IQGAP2: variants seen among roughly 807,000 people sequenced by gnomAD.
IQGAP2 encodes the protein IQ motif containing GTPase activating protein 2, also known as ras GTPase-activating-like protein IQGAP2.
A neutral mutation model predicts 201.3 loss-of-function variants in IQGAP2; 173 were observed. The ratio of observed to expected loss-of-function variants is 0.86; its 90% confidence interval spans 0.76 to 0.98. IQGAP2 has a LOEUF of 0.98. Ranked by LOEUF, IQGAP2 falls within the 50% of genes least tolerant of loss-of-function variation. The pLI, the probability that IQGAP2 is intolerant of heterozygous loss-of-function variation, is 0.00. For synonymous variants in IQGAP2, 675 were observed against 673.9 expected (o/e 1.00, Z -0.03); for missense variants, 1,687 against 1,864.8 (o/e 0.90, Z 1.76).
At chr5:76,452,763 A>G (rs779053487) in intron 1 of IQGAP2, among the ~76,000 whole-genome samples, 34 of 152,204 alleles carry the variant, frequency 2.2e-4, no homozygotes, top group Non-Finnish European at 4.1e-4. Flanking sequence ...TAGAAAGATC[A>G]TGAACTTTGG....
At position 76,652,768 on chromosome 5, in the gene IQGAP2, A is replaced by G. The variant is rs747898548; in HGVS notation, c.2113A>G (p.Lys705Glu). 3.1e-6 allele frequency: 5 copies of G among 1,610,688 alleles called. No individual in the cohort carries two copies. In the African/African-American group the frequency reaches 4.0e-5, roughly 13 times the overall value. The change falls in exon 18 of 36, where the codon AAA becomes GAA. Residue 705 changes from lysine to glutamate, a missense_variant. By Grantham distance (56) the Lys-to-Glu change is moderately conservative. Coordinates refer to ENST00000274364, the MANE Select transcript of IQGAP2 (RefSeq NM_006633.5). ...TCCTTAGGCTTTTTGGAAAGGATATAAACAACGGAAGGAGTATATGCACAG... is the reference window on the plus strand; with the variant it reads ...TCCTTAGGCTTTTTGGAAAGGATATGAACAACGGAAGGAGTATATGCACAG... ...VKIQAFWKGY[K>E]QRKEYMHRRQ... is the part of the protein sequence containing the mutation.
At chr5:76,436,490 TATATATATATATATATATATATATATA>T (rs1561369977) in intron 1 of IQGAP2, among the ~76,000 whole-genome samples, 1,094 of 16,860 alleles carry the variant, frequency 0.065, 54 homozygotes, top group African/African-American at 0.24. Context: ...TATATATATA[TATATATATATATATATATATATATATA>T]TTTTTTTTTT....
intron 1 of IQGAP2, among the ~76,000 whole-genome samples, chr5:76,405,771 T>C (rs946133131): frequency 6.6e-6 from 1 of 152,168 alleles, no homozygotes; most frequent in African/African-American, 2.4e-5. Flanking sequence ...GAGCTCTTCA[T>C]GGGAAGGCTA....
At chr5:76,528,338 T>C (rs1759086263) in intron 2 of IQGAP2, among the ~76,000 whole-genome samples, 1 of 128,462 alleles carries the variant, frequency 7.8e-6, no homozygotes, top group South Asian at 3.0e-4. Flanking sequence ...TCAGAGTTCC[T>C]TAATAGAAAG....
At chr5:76,405,346 C>T (rs1750737280) in intron 1 of IQGAP2, among the ~76,000 whole-genome samples, 1 of 152,222 alleles carries the variant, frequency 6.6e-6, no homozygotes. Context: ...TGGAAATCTT[C>T]ATCCAGCTTT....
intron 2 of IQGAP2, among the ~76,000 whole-genome samples, chr5:76,473,113 A>G (rs948505777): frequency 6.6e-5 from 10 of 152,324 alleles, no homozygotes; most frequent in Middle Eastern, 3.4e-3. Flanking sequence ...TCTGACTTCA[A>G]AGACTGTGCT....
intron 4 of IQGAP2, among the ~76,000 whole-genome samples, chr5:76,574,903 C>A (rs868706205): frequency 6.6e-6 from 1 of 152,044 alleles, no homozygotes; most frequent in Non-Finnish European, 1.5e-5. Flanking sequence ...ACTGGCTAAG[C>A]TAGGGTTCAA....
intron 2 of IQGAP2, among the ~76,000 whole-genome samples, chr5:76,506,032 G>A (rs1361015192): frequency 6.6e-6 from 1 of 152,158 alleles, no homozygotes; most frequent in East Asian, 1.9e-4. Context: ...TTTAAGAAGA[G>A]ACACACCCTG....
chr5:76,663,869 C>G (rs1034621009), intron 21 of IQGAP2, among the ~76,000 whole-genome samples: 2 of 152,220 alleles, frequency 1.3e-5, no homozygotes, highest in African/African-American at 4.8e-5. Context: ...CCTGGCTTCT[C>G]TTAAGGCCTC....
intron 4 of IQGAP2, among the ~76,000 whole-genome samples, chr5:76,572,391 T>A (rs1007986135): frequency 2.0e-5 from 3 of 152,110 alleles, no homozygotes; most frequent in African/African-American, 7.2e-5. Flanking sequence ...TTTGAACTCC[T>A]GACCTCAGGT....
chr5:76,588,201 C>T (rs1746382521), intron 5 of IQGAP2, among the ~76,000 whole-genome samples: 1 of 152,194 alleles, frequency 6.6e-6, no homozygotes, highest in Non-Finnish European at 1.5e-5. Context: ...CTCATATATA[C>T]TATTACTTGA....
At chr5:76,572,639 T>C (rs989869990) in intron 4 of IQGAP2, among the ~76,000 whole-genome samples, 1 of 152,060 alleles carries the variant, frequency 6.6e-6, no homozygotes, top group Non-Finnish European at 1.5e-5. Flanking sequence ...GGTTTCCACA[T>C]GTTGGCCAGG....
chr5:76,605,343 GA>G (rs1399967832), intron 11 of IQGAP2, among the ~76,000 whole-genome samples: 1 of 152,150 alleles, frequency 6.6e-6, no homozygotes, highest in Admixed American at 6.6e-5. Flanking sequence ...CAATGGGTGA[GA>G]GGGCCATTTT....
chr5:76,465,792 C>T (rs1467308065), intron 2 of IQGAP2, among the ~76,000 whole-genome samples: 1 of 152,022 alleles, frequency 6.6e-6, no homozygotes, highest in Non-Finnish European at 1.5e-5. Flanking sequence ...TATATGATAG[C>T]ATTAAAAACA....
intron 1 of IQGAP2, among the ~76,000 whole-genome samples, chr5:76,444,569 G>C (rs1160173883): frequency 2.0e-5 from 3 of 152,204 alleles, no homozygotes; most frequent in Non-Finnish European, 2.9e-5. Context: ...AAATTGCTGG[G>C]ATTACAGGCG....
chr5:76,566,108 C>T (rs990410486), intron 3 of IQGAP2, among the ~76,000 whole-genome samples: 1 of 152,082 alleles, frequency 6.6e-6, no homozygotes, highest in African/African-American at 2.4e-5. Flanking sequence ...ATCCATGCAA[C>T]ACTTATGAAG....
chr5:76,647,541 G>T (rs1752149318), intron 17 of IQGAP2, among the ~76,000 whole-genome samples: 1 of 117,616 alleles, frequency 8.5e-6, no homozygotes, highest in South Asian at 2.8e-4. Flanking sequence ...TTTATAAGGG[G>T]TTTCCACTTT....
At chr5:76,455,395 G>C (rs987824531) in intron 1 of IQGAP2, among the ~76,000 whole-genome samples, 1 of 147,350 alleles carries the variant, frequency 6.8e-6, no homozygotes, top group Non-Finnish European at 1.5e-5. Context: ...AGAGGTTGCA[G>C]TGAGCCAAGA....
intron 21 of IQGAP2, among the ~76,000 whole-genome samples, chr5:76,659,267 A>G (rs960476015): frequency 6.6e-6 from 1 of 152,236 alleles, no homozygotes; most frequent in African/African-American, 2.4e-5. Context: ...TCAGAATAAG[A>G]CTAGGGCCTT....
Sources: gnomAD v4.1 joint callset for allele counts (sites outside exome capture counted in the v4.1 genomes callset) on GRCh38, gnomAD v4.1.1 for gene constraint, MANE v1.5 for transcripts, NCBI Gene and HGNC (gene_info 2026-07-23, HGNC 2026-07-21) for gene names.